The following PKDREJ variants were observed in gnomAD, a reference collection of about 807,000 sequenced individuals.
The protein encoded by PKDREJ is polycystin family receptor for egg jelly, also known as PKD and REJ homolog.
For synonymous variants in PKDREJ, 1,031 were observed against 1,095.5 expected, an observed-to-expected ratio of 0.94 and a Z score of 1.16; for missense variants, 2,507 against 2,807.2, an observed-to-expected ratio of 0.89 and a Z score of 2.42.
At position 46,258,836 on chromosome 22, in the gene PKDREJ, TC is replaced by T. The variant is rs1936662865; in HGVS notation, c.4486del (p.Glu1496ArgfsTer49). The T allele has an allele frequency of 1.2e-6, 2 of 1,614,030 alleles. No individual in the cohort carries two copies. The highest frequency in any genetic ancestry group is 2.7e-5 in the African/African-American group (2 of 74,920). On this transcript the variant is annotated frameshift_variant, in exon 1 of 1. Coordinates refer to ENST00000253255, the MANE Select transcript of PKDREJ (RefSeq NM_006071.2). LOFTEE classifies it low-confidence loss of function (END_TRUNC). This position sits in a 1 kb window ranked among gnomAD's most constrained non-coding sequence, Gnocchi z 6.1. ...AYETAKVHPR[E>X]VAKPASKGKP... ...TCCTTTAGATGCAGGTTTTGCAACC[TC>T]CCTGGGGTGCACCTTAGCAGTTTCG...
Position 46,262,557 on chromosome 22 carries a change from C to T in PKDREJ, c.766G>A (p.Ala256Thr), listed in dbSNP as rs772263346. The part of the protein sequence containing the change: ...QLDCPAARAI[A>T]QYWQVFSVPA... ...ACGGAGAACACCTGCCAGTACTGGGCGATGGCGCGCGCGGCCGGGCAGTCC... is the reference window on the plus strand; with the variant it reads ...ACGGAGAACACCTGCCAGTACTGGGTGATGGCGCGCGCGGCCGGGCAGTCC... The change falls in exon 1 of 1, where the codon GCC (alanine) becomes ACC (threonine). Residue 256 changes from alanine (A) to threonine (T), a missense_variant. Physicochemically the swap from Ala to Thr is moderately conservative, Grantham distance 58 (BLOSUM62 0). Coordinates refer to ENST00000253255, the MANE Select transcript of PKDREJ (RefSeq NM_006071.2). This position sits in a 1 kb window ranked among gnomAD's most constrained non-coding sequence, Gnocchi z 8.1. The T allele has an allele frequency of 7.5e-6, 12 of 1,602,750 alleles. No individual in the cohort carries two copies. Among genetic ancestry groups the T allele is most frequent in the South Asian group, 6.7e-5 (6 of 89,352 alleles).
chr22:46,259,170 T>A lies in PKDREJ; in HGVS notation c.4153A>T (p.Asn1385Tyr). Reference sequence around the variant, plus strand: ...CAACAGGACAATCTCTGGAGCCTATTGAATGTTTTAGCAACAACACTAGCA... The same window carrying A: ...CAACAGGACAATCTCTGGAGCCTATAGAATGTTTTAGCAACAACACTAGCA... ...IFASVVAKTF[N>Y]RLQRLSCCLA... The change falls in exon 1 of 1, where the codon AAT becomes TAT. Residue 1385 changes from asparagine (N) to tyrosine (Y), a missense_variant. Asn to Tyr is a moderately radical substitution (Grantham distance 143). Transcript: ENST00000253255. This position sits in a 1 kb window ranked among gnomAD's most constrained non-coding sequence, Gnocchi z 6.8. The A allele has an allele frequency of 6.2e-7, 1 of 1,614,100 alleles. No homozygotes were observed.
rs375062837 is a variant in PKDREJ, at chr22:46,258,106, A to G, written c.5217T>C (p.Tyr1739=). The G allele has an allele frequency of 7.9e-5, 128 of 1,613,854 alleles. No homozygotes were observed. The highest frequency in any genetic ancestry group is 1.1e-4 in the Non-Finnish European group (127 of 1,179,854). The stretch of plus-strand genomic sequence containing the variant: ...AGAACCGATCACGAATAAACTGGTT[A>G]TAGTAAAAGCAGTCAGTGTGACGTA... ...VLLRHTDCFY[Y]NQFIRDRFSM... is the part of the protein sequence containing the mutation. The change falls in exon 1 of 1, where the codon TAT becomes TAC. Residue 1739 remains tyrosine (Y), a synonymous_variant. Transcript: ENST00000253255. This position sits in a 1 kb window ranked among gnomAD's most constrained non-coding sequence, Gnocchi z 6.1.
In PKDREJ at chr22:46,261,180, A is replaced by AAGCTACT. The variant is rs759193791; in HGVS notation, c.2136_2142dup (p.Val716SerfsTer6). On this transcript the variant is annotated frameshift_variant, in exon 1 of 1. Coordinates refer to ENST00000253255, the MANE Select transcript of PKDREJ (RefSeq NM_006071.2). LOFTEE classifies it low-confidence loss of function (END_TRUNC). This position sits in a 1 kb window ranked among gnomAD's most constrained non-coding sequence, Gnocchi z 7.1. ...TCAGTTTTCATGTTATTCAAAACGG[A>AAGCTACT]AGCTACTATATACAGTAAGTAACCT... 1.9e-6 allele frequency: 3 copies of AAGCTACT among 1,614,166 alleles called. No individual in the cohort carries two copies. The South Asian group carries it at 3.3e-5, about 18-fold the overall frequency.
chr22:46,258,156 G>A lies in PKDREJ; in HGVS notation c.5167C>T (p.Leu1723Phe). 1 of 1,614,126 alleles carries A rather than the reference G, an allele frequency of 6.2e-7. No homozygotes were observed. Among genetic ancestry groups the A allele is most frequent in the African/African-American group, 1.3e-5 (1 of 75,054 alleles). ...AGTAAGACGATAAGGATCAACAGAAGGGCTAGAAAGATAAAGTGAGTTAGA... is the reference window on the plus strand; with the variant it reads ...AGTAAGACGATAAGGATCAACAGAAAGGCTAGAAAGATAAAGTGAGTTAGA... ...YILTHFIFLA[L>F]LLILIVLLRH... Residue 1723 changes from leucine to phenylalanine, a missense_variant, in exon 1 of 1, where the codon CTT (leucine) becomes TTT (phenylalanine). Physicochemically the swap from Leu to Phe is conservative, Grantham distance 22. Coordinates refer to ENST00000253255, the MANE Select transcript of PKDREJ (RefSeq NM_006071.2). The surrounding 1 kb of genome is among the most constrained non-coding windows in gnomAD (Gnocchi z 6.1).
chr22:46,262,330 G>A lies in PKDREJ; in HGVS notation c.993C>T (p.Ile331=), dbSNP rs143050190. The stretch of plus-strand genomic sequence containing the variant: ...TCACCGCCTGCAGGGAACTCCTGAC[G>A]ATCCAGACATAGACGGCGTCCGAGT... The part of the protein sequence containing the change: ...VKDSDAVYVW[I]VRSSLQAVML... Residue 331 remains isoleucine, a synonymous_variant, in exon 1 of 1, where the codon ATC becomes ATT. Coordinates refer to ENST00000253255, the MANE Select transcript of PKDREJ (RefSeq NM_006071.2). The surrounding 1 kb of genome is among the most constrained non-coding windows in gnomAD (Gnocchi z 8.1). 4 of 1,614,190 alleles carry A rather than the reference G, an allele frequency of 2.5e-6. No individual in the cohort carries two copies. The highest frequency in any genetic ancestry group is 1.1e-5 in the South Asian group (1 of 91,088).
rs774209647 is a variant in PKDREJ, at chr22:46,260,920, T to C, written c.2403A>G (p.Glu801=). The C allele has an allele frequency of 3.1e-6, 5 of 1,614,192 alleles. No homozygotes were observed. Among genetic ancestry groups the C allele is most frequent in the East Asian group, 2.2e-5 (1 of 44,890 alleles). ...TTCCAGTACTCACGATTTCTATTTG[T>C]TCAGATCGAAAGCGTTTATCTTTTT... The part of the protein sequence containing the change: ...YQQKDKRFRS[E]QIEIVSTGIL... Residue 801 remains glutamate (E), a synonymous_variant, in exon 1 of 1, where the codon GAA becomes GAG. Transcript: ENST00000253255. This position sits in a 1 kb window ranked among gnomAD's most constrained non-coding sequence, Gnocchi z 4.5.
chr22:46,256,688 T>TGA lies in PKDREJ; in HGVS notation c.6634_6635insTC (p.Lys2212IlefsTer28), dbSNP rs779358829. On this transcript the variant is annotated frameshift_variant, in exon 1 of 1. Transcript: ENST00000253255. LOFTEE classifies it low-confidence loss of function (END_TRUNC). This position sits in a 1 kb window ranked among gnomAD's most constrained non-coding sequence, Gnocchi z 5.3. ...AAAGAACTCAGGCTCATCTTTGGCC[T>TGA]TAGATTGCGAGGTCAGAAAGCTGAA... The TGA allele has an allele frequency of 1.2e-6, 2 of 1,614,180 alleles. No homozygotes were observed. Among genetic ancestry groups the TGA allele is most frequent in the South Asian group, 2.2e-5 (2 of 91,088 alleles).
rs1936660743 is a variant in PKDREJ at position 46,258,687 on chromosome 22, C to A, written c.4636G>T (p.Asp1546Tyr). The A allele has an allele frequency of 2.5e-6, 4 of 1,614,214 alleles. No individual in the cohort carries two copies. In the East Asian group the frequency reaches 6.7e-5, roughly 27 times the overall value. Residue 1546 changes from aspartate to tyrosine, a missense_variant, in exon 1 of 1, where the codon GAT (aspartate) becomes TAT (tyrosine). Asp to Tyr is a radical substitution (Grantham distance 160). Transcript: ENST00000253255. This position sits in a 1 kb window ranked among gnomAD's most constrained non-coding sequence, Gnocchi z 6.1. Reference sequence around the variant, plus strand: ...TGTTCGGAATGGACATCCTGATCATCTTCTATGTTGTTATTGGAATTTGTA... The same window carrying A: ...TGTTCGGAATGGACATCCTGATCATATTCTATGTTGTTATTGGAATTTGTA... The part of the protein sequence containing the change: ...PNTNSNNNIE[D>Y]DQDVHSEQHP...
chr22:46,261,475 GGT>G lies in PKDREJ; in HGVS notation c.1846_1847del (p.Thr616ProfsTer25). 1 of 1,614,030 alleles carries G rather than the reference GGT, an allele frequency of 6.2e-7. No individual in the cohort carries two copies. Among genetic ancestry groups the G allele is most frequent in the Non-Finnish European group, 8.5e-7 (1 of 1,179,980 alleles). ...VGEISSVKEN[T>X]LGTILYLGPQ... is the part of the protein sequence containing the mutation. ...GCCCCAAGTACAGGATGGTCCCCAG[GGT>G]GTTCTCTTTTACTGAACTGATTTCA... On this transcript the variant is annotated frameshift_variant, in exon 1 of 1. Transcript: ENST00000253255. LOFTEE classifies it low-confidence loss of function (END_TRUNC). This position sits in a 1 kb window ranked among gnomAD's most constrained non-coding sequence, Gnocchi z 7.1.
In PKDREJ at chr22:46,259,145, C is replaced by T. The variant is rs751210419; in HGVS notation, c.4178G>A (p.Cys1393Tyr). The change falls in exon 1 of 1, where the codon TGT (cysteine) becomes TAT (tyrosine). Residue 1393 changes from cysteine to tyrosine, a missense_variant. Cys to Tyr is a radical substitution (Grantham distance 194, BLOSUM62 -2). Transcript: ENST00000253255. This position sits in a 1 kb window ranked among gnomAD's most constrained non-coding sequence, Gnocchi z 6.8. ...TFNRLQRLSC[C>Y]LAMLLSSLLC... The stretch of plus-strand genomic sequence containing the variant: ...AAGAGAGCTAAGCAACATTGCTAAA[C>T]AACAGGACAATCTCTGGAGCCTATT... The T allele has an allele frequency of 4.4e-5, 71 of 1,613,950 alleles. No homozygotes were observed. Among genetic ancestry groups the T allele is most frequent in the Non-Finnish European group, 1.7e-6 (2 of 1,179,986 alleles).
rs756588688 is a variant in PKDREJ, at chr22:46,261,320, T to C, written c.2003A>G (p.Gln668Arg). Residue 668 changes from glutamine (Q) to arginine (R), a missense_variant, in exon 1 of 1, where the codon CAG (glutamine) becomes CGG (arginine). Coordinates refer to ENST00000253255, the MANE Select transcript of PKDREJ (RefSeq NM_006071.2). This position sits in a 1 kb window ranked among gnomAD's most constrained non-coding sequence, Gnocchi z 7.1. ...TGATGAATTTTTGTCAGTGGGAGCC[T>C]GTGCGGTGGCATGCAAAGTCACCTG... ...FSQVTLHATA[Q>R]APTDKNSSKT... is the part of the protein sequence containing the mutation. The C allele has an allele frequency of 2.5e-6, 4 of 1,613,962 alleles. No individual in the cohort carries two copies. In the Admixed American group the frequency reaches 6.7e-5, roughly 27 times the overall value.
Position 46,258,352 on chromosome 22 carries a change from C to G in PKDREJ, c.4971G>C (p.Glu1657Asp). 1.2e-6 allele frequency: 2 copies of G among 1,614,148 alleles called. No individual in the cohort carries two copies. Among genetic ancestry groups the G allele is most frequent in the South Asian group, 2.2e-5 (2 of 91,078 alleles). Residue 1657 changes from glutamate to aspartate, a missense_variant, in exon 1 of 1, where the codon GAG (glutamate) becomes GAC (aspartate). Coordinates refer to ENST00000253255, the MANE Select transcript of PKDREJ (RefSeq NM_006071.2). The surrounding 1 kb of genome is among the most constrained non-coding windows in gnomAD (Gnocchi z 6.1). ...LSWSTKYKYT[E>D]IRLDGMRMHP... ...GCATACGCATTCCATCCAACCTGAT[C>G]TCAGTATATTTATACTTGGTTGACC...
chr22:46,260,588 T>A lies in PKDREJ; in HGVS notation c.2735A>T (p.Asn912Ile). 6.2e-7 allele frequency: 1 copy of A among 1,614,184 alleles called. No individual in the cohort carries two copies. Among genetic ancestry groups the A allele is most frequent in the Non-Finnish European group, 8.5e-7 (1 of 1,180,042 alleles). ...ATCATTTAACCAAGGAAAGAGGTCATTTGTGAAATCACAAAACATTGTAGA... is the reference window on the plus strand; with the variant it reads ...ATCATTTAACCAAGGAAAGAGGTCAATTGTGAAATCACAAAACATTGTAGA... The part of the protein sequence containing the change: ...PISTMFCDFT[N>I]DLFPWLNDQE... Residue 912 changes from asparagine (N) to isoleucine (I), a missense_variant, in exon 1 of 1, where the codon AAT becomes ATT. Coordinates refer to ENST00000253255, the MANE Select transcript of PKDREJ (RefSeq NM_006071.2). This position sits in a 1 kb window ranked among gnomAD's most constrained non-coding sequence, Gnocchi z 4.5.
Position 46,257,833 on chromosome 22 carries a change from G to A in PKDREJ, c.5490C>T (p.Asp1830=), listed in dbSNP as rs774361645. ...CAGAATAGTTTTTTGTGTCTTCTGG[G>A]TCAATGCCATATTTGGGGTGACAAT... ...EIHCHPKYGI[D]PEDTKNYSGF... Residue 1830 remains aspartate (D), a synonymous_variant, in exon 1 of 1, where the codon GAC becomes GAT. Coordinates refer to ENST00000253255, the MANE Select transcript of PKDREJ (RefSeq NM_006071.2). This position sits in a 1 kb window ranked among gnomAD's most constrained non-coding sequence, Gnocchi z 4.7. 6 of 1,614,020 alleles carry A rather than the reference G, an allele frequency of 3.7e-6. No individual in the cohort carries two copies. The South Asian group carries it at 4.4e-5, about 12-fold the overall frequency.
In PKDREJ at chr22:46,263,296, AAGG is replaced by A. The variant is rs1936722171; in HGVS notation, c.24_26del (p.Leu10del). Reference sequence around the variant, plus strand: ...CGCTCAGGCTCAGGCCCACGCCCAGAAGGAGGAGAGCGGGCCCAGGCCTCATGG... The same window carrying A: ...CGCTCAGGCTCAGGCCCACGCCCAGAAGGAGAGCGGGCCCAGGCCTCATGG... On this transcript the variant is annotated inframe_deletion, in exon 1 of 1. Transcript: ENST00000253255. The surrounding 1 kb of genome is among the most constrained non-coding windows in gnomAD (Gnocchi z 9.4). 1.4e-6 allele frequency: 2 copies of A among 1,456,356 alleles called. No homozygotes were observed. Among genetic ancestry groups the A allele is most frequent in the Non-Finnish European group, 1.8e-6 (2 of 1,112,402 alleles). 90.2% of individuals were successfully genotyped at this position (1,456,356 alleles called of 1,614,324 possible).
Position 46,257,072 on chromosome 22 carries a change from G to A in PKDREJ, c.6251C>T (p.Ala2084Val), listed in dbSNP as rs1023925681. Residue 2084 changes from alanine to valine, a missense_variant, in exon 1 of 1, where the codon GCT (alanine) becomes GTT (valine). Transcript: ENST00000253255. This position sits in a 1 kb window ranked among gnomAD's most constrained non-coding sequence, Gnocchi z 4.7. ...CATGTGGCAGATGCCAGGGAGGGCA[G>A]CCTGGATGGCCCTCTGAGCCAGGCG... Reference protein sequence around the residue: ...DVRLAQRAIQAALPGICHMAF... With the variant: ...DVRLAQRAIQVALPGICHMAF... 6.2e-7 allele frequency: 1 copy of A among 1,613,930 alleles called. No individual in the cohort carries two copies. Among genetic ancestry groups the A allele is most frequent in the Non-Finnish European group, 8.5e-7 (1 of 1,180,008 alleles).
In PKDREJ at chr22:46,258,230, T is replaced by C. The variant is rs542980056; in HGVS notation, c.5093A>G (p.Lys1698Arg). ...PLTEDEIRIFKRKKRIKRRAL... is the reference protein window; with the variant it reads ...PLTEDEIRIFRRKKRIKRRAL... The stretch of plus-strand genomic sequence containing the variant: ...TCTTCTCTTGATCCTCTTCTTTCTT[T>C]TGAATATTCTGATTTCATCTTCTGT... The change falls in exon 1 of 1, where the codon AAA (lysine) becomes AGA (arginine). Residue 1698 changes from lysine to arginine, a missense_variant. Physicochemically the swap from Lys to Arg is conservative, Grantham distance 26. Coordinates refer to ENST00000253255, the MANE Select transcript of PKDREJ (RefSeq NM_006071.2). The surrounding 1 kb of genome is among the most constrained non-coding windows in gnomAD (Gnocchi z 6.1). 157 of 1,614,222 alleles carry C rather than the reference T, an allele frequency of 9.7e-5. 2 individuals carry two copies. In the South Asian group the frequency reaches 1.6e-3, roughly 17 times the overall value.
At position 46,259,973 on chromosome 22, in the gene PKDREJ, C is replaced by A; in HGVS notation, c.3350G>T (p.Gly1117Val). The change falls in exon 1 of 1, where the codon GGT becomes GTT. Residue 1117 changes from glycine (G) to valine (V), a missense_variant. Physicochemically the swap from Gly to Val is moderately radical, Grantham distance 109 (BLOSUM62 -3). Transcript: ENST00000253255. This position sits in a 1 kb window ranked among gnomAD's most constrained non-coding sequence, Gnocchi z 6.8. The part of the protein sequence containing the change: ...MYGIQSEWRE[G>V]YCILGEKTSW... ...GGTCTTCTCACCAAGAATGCAATAACCCTCTCTCCATTCACTCTGGATCCC... is the reference window on the plus strand; with the variant it reads ...GGTCTTCTCACCAAGAATGCAATAAACCTCTCTCCATTCACTCTGGATCCC... 1 of 1,614,164 alleles carries A rather than the reference C, an allele frequency of 6.2e-7. No homozygotes were observed. Among genetic ancestry groups the A allele is most frequent in the Non-Finnish European group, 8.5e-7 (1 of 1,180,024 alleles).
Sources: gnomAD v4.1 joint callset for allele counts on GRCh38, gnomAD v4.1.1 for gene constraint, Gnocchi (gnomAD v3.1) non-coding constraint, MANE v1.5 for transcripts, NCBI Gene and HGNC (gene_info 2026-07-23, HGNC 2026-07-21) for gene names.